Variants in LRMDA observed in about 807,000 individuals in gnomAD.
The protein encoded by LRMDA is leucine rich melanocyte differentiation associated, also known as leucine-rich melanocyte differentiation-associated protein.
In LRMDA, 18 loss-of-function variants were observed where a neutral mutation model predicts 29.8. The ratio of observed to expected loss-of-function variants is 0.60; its 90% CI spans 0.42 to 0.90. LRMDA has a LOEUF of 0.90. LRMDA is among the 40% of genes least tolerant of loss of function. LRMDA has a pLI of 0.00. For missense variants in LRMDA, 273 were observed against 273.9 expected (o/e 1.00, Z 0.02); for synonymous variants, 125 against 109.4 (o/e 1.14, Z -0.89).
At chr10:75,438,540 C>T in intron 2 of LRMDA, 46 bp downstream of exon 2, 1 of 1,443,464 alleles carries the variant, frequency 6.9e-7, no homozygotes, top group South Asian at 1.2e-5. Flanking sequence ...GAGGCCCAGT[C>T]CTCCTGGGTA....
intron 6 of LRMDA, among the ~76,000 whole-genome samples, chr10:76,539,118 ACTT>A (rs1420103282): frequency 6.6e-6 from 1 of 152,176 alleles, no homozygotes; most frequent in African/African-American, 2.4e-5. Context: ...GAGACTAGCC[ACTT>A]CTTAGAAAAG....
At chr10:75,952,728 G>A (rs1191422693) in intron 2 of LRMDA, among the ~76,000 whole-genome samples, 2 of 152,144 alleles carry the variant, frequency 1.3e-5, no homozygotes, top group Admixed American at 6.5e-5. Context: ...TTTAAAATAT[G>A]TGTCTTGGAA....
chr10:76,462,255 GAGAA>G (rs1842521142), intron 6 of LRMDA, among the ~76,000 whole-genome samples: 1 of 151,764 alleles, frequency 6.6e-6, no homozygotes, highest in African/African-American at 2.4e-5. Context: ...AATGTTTGAG[GAGAA>G]AGATAGAAGA....
At chr10:76,357,172 G>A (rs1841251941) in intron 6 of LRMDA, among the ~76,000 whole-genome samples, 2 of 152,176 alleles carry the variant, frequency 1.3e-5, no homozygotes, top group African/African-American at 4.8e-5. Flanking sequence ...GCGATCAGGA[G>A]AGTATATAAA....
intron 1 of LRMDA, among the ~76,000 whole-genome samples, chr10:75,437,228 T>C (rs755661420): frequency 2.0e-5 from 3 of 152,162 alleles, no homozygotes; most frequent in Non-Finnish European, 4.4e-5. Flanking sequence ...GGTTCTAAAA[T>C]GGTTGGATAT....
chr10:75,584,698 T>C (rs2132079424), intron 2 of LRMDA, among the ~76,000 whole-genome samples: 1 of 152,256 alleles, frequency 6.6e-6, no homozygotes. Context: ...AACTAAACTG[T>C]GGGTAATTTT....
At chr10:75,885,164 C>T (rs1156637434) in intron 2 of LRMDA, among the ~76,000 whole-genome samples, 1 of 152,138 alleles carries the variant, frequency 6.6e-6, no homozygotes, top group East Asian at 1.9e-4. Flanking sequence ...CAGGCATACC[C>T]AAGGCCTCTC....
intron 2 of LRMDA, among the ~76,000 whole-genome samples, chr10:75,656,643 T>C (rs1489378632): frequency 6.6e-6 from 1 of 152,152 alleles, no homozygotes; most frequent in Non-Finnish European, 1.5e-5. Flanking sequence ...TTCATTTCCT[T>C]GTTGGAGGAG....
chr10:76,177,117 G>C (rs992419080), intron 5 of LRMDA, among the ~76,000 whole-genome samples: 2 of 152,176 alleles, frequency 1.3e-5, no homozygotes, highest in African/African-American at 4.8e-5. Flanking sequence ...ACAGGGCTGC[G>C]TATCATTGGA....
intron 2 of LRMDA, among the ~76,000 whole-genome samples, chr10:75,839,188 T>C (rs1036740627): frequency 6.6e-6 from 1 of 152,232 alleles, no homozygotes; most frequent in Non-Finnish European, 1.5e-5. Context: ...GAATGATGAA[T>C]GTGGCTAAAC....
At chr10:75,765,827 C>T (rs898292746) in intron 2 of LRMDA, among the ~76,000 whole-genome samples, 7 of 151,096 alleles carry the variant, frequency 4.6e-5, no homozygotes, top group African/African-American at 7.3e-5. Flanking sequence ...CCTCTCCAGC[C>T]GCTGGGGTGC....
intron 2 of LRMDA, among the ~76,000 whole-genome samples, chr10:75,447,038 T>G (rs779760363): frequency 1.3e-5 from 2 of 152,224 alleles, no homozygotes; most frequent in African/African-American, 2.4e-5. Flanking sequence ...TCTGTAAGCC[T>G]TGAGCAGAAG....
In LRMDA at chr10:75,625,018, A is replaced by G. The variant is rs562663677; in HGVS notation, c.131+186524A>G. On this transcript the variant is annotated intron_variant, in intron 2 of 6. Transcript: ENST00000611255. The stretch of plus-strand genomic sequence containing the variant: ...TCTTTCAGACAGTCGGATTCAGGGA[A>G]GTTTGCACATTCATAAGTTTGGGCA... 1.6e-3 allele frequency among the ~76,000 whole-genome samples: 244 copies of G among 152,296 alleles called. No homozygotes were observed. In the Middle Eastern group the frequency reaches 0.017, roughly 11 times the overall value.
At chr10:75,577,796 T>A (rs1840526731) in intron 2 of LRMDA, among the ~76,000 whole-genome samples, 1 of 152,038 alleles carries the variant, frequency 6.6e-6, no homozygotes, top group Non-Finnish European at 1.5e-5. Context: ...CTAAGCTTCA[T>A]AAGGGAAGGA....
chr10:76,093,802 C>A (rs1849270904), intron 5 of LRMDA, among the ~76,000 whole-genome samples: 1 of 152,190 alleles, frequency 6.6e-6, no homozygotes, highest in African/African-American at 2.4e-5. Flanking sequence ...AAGCTGAGGT[C>A]TCACGTTCCC....
At chr10:75,711,212 G>A (rs1842431835) in intron 2 of LRMDA, among the ~76,000 whole-genome samples, 1 of 152,158 alleles carries the variant, frequency 6.6e-6, no homozygotes, top group Admixed American at 6.5e-5. Flanking sequence ...GATGGGATGT[G>A]CCCATCTGTT....
intron 2 of LRMDA, among the ~76,000 whole-genome samples, chr10:75,713,923 CACA>C (rs1268331328): frequency 6.6e-6 from 1 of 152,052 alleles, no homozygotes; most frequent in Non-Finnish European, 1.5e-5. Context: ...TGCTCTGTGT[CACA>C]ACAACATTTT....
chr10:75,664,699 A>G (rs2132137694), intron 2 of LRMDA, among the ~76,000 whole-genome samples: 1 of 152,326 alleles, frequency 6.6e-6, no homozygotes, highest in Middle Eastern at 3.4e-3. Flanking sequence ...GAAGGAATAC[A>G]ATGATTAAAG....
At chr10:76,421,351 G>A (rs1274813535) in intron 6 of LRMDA, among the ~76,000 whole-genome samples, 1 of 152,088 alleles carries the variant, frequency 6.6e-6, no homozygotes, top group Non-Finnish European at 1.5e-5. Flanking sequence ...CTTATGGCTA[G>A]TATTTGCTTT....
Sources: allele counts gnomAD v4.1 joint callset (sites outside exome capture counted in the v4.1 genomes callset), GRCh38; gene constraint gnomAD v4.1.1; transcripts MANE v1.5; gene names NCBI Gene and HGNC (gene_info 2026-07-23, HGNC 2026-07-21).